The following DRP2 variants were observed in gnomAD, a reference collection of about 807,000 sequenced individuals.
The protein encoded by DRP2 is dystrophin-related protein 2.
A neutral mutation model predicts 78.2 loss-of-function variants in DRP2; 29 were observed. The ratio of observed to expected loss-of-function variants is 0.37; its 90% CI spans 0.28 to 0.51. DRP2 has a LOEUF of 0.51. DRP2 is among the 20% of genes least tolerant of loss of function. The pLI, the probability that DRP2 is intolerant of heterozygous loss-of-function variation, is 0.94. For missense variants in DRP2, 686 were observed against 770.6 expected (o/e 0.89, Z 1.30); for synonymous variants, 290 against 281.9 (o/e 1.03, Z -0.29).
chrX:101,255,179 C>T lies in DRP2; in HGVS notation c.2181-5C>T. 8.3e-7 allele frequency: 1 copy of T among 1,210,611 alleles called. No homozygotes were observed. Among genetic ancestry groups the T allele is most frequent in the Non-Finnish European group, 1.1e-6 (1 of 894,622 alleles). ...TTCTCTCCTGCCTCTGCTCTTTATT[C>T]CTAGGCTTGCTGAGATGGAAAGTCA... On this transcript the variant is annotated splice_polypyrimidine_tract_variant and splice_region_variant and intron_variant, in intron 19 of 23. Coordinates refer to ENST00000395209, the MANE Select transcript of DRP2 (RefSeq NM_001939.3).
At chrX:101,224,409 A>G (rs1486475927) in intron 1 of DRP2, among the ~76,000 whole-genome samples, 195 bp from the exon 2 acceptor site, 1 of 4,551 alleles carries the variant, frequency 2.2e-4, no homozygotes, top group Admixed American at 6.0e-3. Context: ...AAAAAAACAA[A>G]AAAAAGCCCA....
chrX:101,242,685 G>A (rs1230581380), intron 8 of DRP2, among the ~76,000 whole-genome samples: 1 of 111,105 alleles, frequency 9.0e-6, no homozygotes, highest in Non-Finnish European at 1.9e-5. Context: ...AGGGTAGACA[G>A]GGGCAGGGGA....
At chrX:101,224,248 G>A (rs1376203784) in intron 1 of DRP2, among the ~76,000 whole-genome samples, 4 of 72,736 alleles carry the variant, frequency 5.5e-5, no homozygotes, top group African/African-American at 2.4e-4. Context: ...ATGTCACCCA[G>A]GCTAGAGTGC....
At position 101,260,531 on chromosome X, in the gene DRP2, G is replaced by C. The variant is rs1006253419; in HGVS notation, c.2784G>C (p.Leu928=). The C allele has an allele frequency of 1.7e-6, 2 of 1,211,162 alleles. No homozygotes were observed. The highest frequency in any genetic ancestry group is 2.2e-6 in the Non-Finnish European group (2 of 895,304). Residue 928 remains leucine, a synonymous_variant, in exon 24 of 24, where the codon CTG becomes CTC. Transcript: ENST00000395209. ...GGTCAAAGAGCCAGGATGTCAGCCTGTGCTTGGAGGACATCATGGAGAAAC... is the reference window on the plus strand; with the variant it reads ...GGTCAAAGAGCCAGGATGTCAGCCTCTGCTTGGAGGACATCATGGAGAAAC... ...DVGSKSQDVS[L]CLEDIMEKLR... is the part of the protein sequence containing the mutation.
At chrX:101,235,719 C>G (rs1033347409) in intron 3 of DRP2, 141 bp from the exon 4 acceptor site, 6 of 607,107 alleles carry the variant, frequency 9.9e-6, no homozygotes, top group South Asian at 3.4e-5. Context: ...ATCTCAGTCC[C>G]TGAACACACA....
Position 101,241,796 on chromosome X carries a change from C to G in DRP2, c.688C>G (p.Leu230Val). The G allele has an allele frequency of 8.3e-7, 1 of 1,211,541 alleles. No homozygotes were observed. The highest frequency in any genetic ancestry group is 1.1e-6 in the Non-Finnish European group (1 of 895,431). Residue 230 changes from leucine (L) to valine (V), a missense_variant, in exon 7 of 24, where the codon CTG (leucine) becomes GTG (valine). Physicochemically the swap from Leu to Val is conservative, Grantham distance 32 (BLOSUM62 1). Transcript: ENST00000395209. ...VDQHRHIERT[L>V]EQLLEIQGAM... is the part of the protein sequence containing the mutation. ...CCAGCACCGTCACATTGAGCGGACT[C>G]TGGAGCAGCTCTTGGAGATTCAAGG...
intron 10 of DRP2, 86 bp downstream of exon 10, chrX:101,245,163 C>CT (rs1173929392): frequency 1.0e-5 from 10 of 983,686 alleles, no homozygotes; most frequent in Non-Finnish European, 1.4e-5. Flanking sequence ...CCTTGTCACT[C>CT]TGTCTGTTGG....
In DRP2 at chrX:101,262,916, G is replaced by A. The variant is rs1923613849; in HGVS notation, c.*2295G>A. On this transcript the variant is annotated 3_prime_UTR_variant, in exon 24 of 24. Transcript: ENST00000395209. The stretch of plus-strand genomic sequence containing the variant: ...TATGGAGCAATTTTTTACCAGGAAA[G>A]TCCTGGAAAATCTTTTCTGTTATCC... The A allele has an allele frequency of 9.0e-6, 1 of 111,504 alleles. No homozygotes were observed. The highest frequency in any genetic ancestry group is 3.8e-4 in the South Asian group (1 of 2,628). The allele number at this position is 111,504 out of a possible 1,213,427, so 9.2% of individuals were successfully genotyped here.
At position 101,261,869 on chromosome X, in the gene DRP2, A is replaced by G; in HGVS notation, c.*1248A>G. The G allele has an allele frequency of 8.9e-6, 1 of 112,035 alleles. No homozygotes were observed. The highest frequency in any genetic ancestry group is 1.9e-5 in the Non-Finnish European group (1 of 53,229). The allele number at this position is 112,035 out of a possible 1,213,427, so 9.2% of individuals were successfully genotyped here. ...TATCCAGAAACTGTTCAGAATAGAT[A>G]GTAGGGGTGGGGGAGTGGGCTTGGG... is the stretch of plus-strand genomic sequence containing the variant. On this transcript the variant is annotated 3_prime_UTR_variant, in exon 24 of 24. Transcript: ENST00000395209.
chrX:101,237,994 G>T (rs769249602), intron 5 of DRP2, among the ~76,000 whole-genome samples: 1 of 111,969 alleles, frequency 8.9e-6, no homozygotes, highest in Admixed American at 9.5e-5. Context: ...ATACTGCCAT[G>T]ATTTTTAATG....
chrX:101,235,698 G>C (rs1922474819), intron 3 of DRP2, among the ~76,000 whole-genome samples, 162 bp from the exon 4 acceptor site: 1 of 112,563 alleles, frequency 8.9e-6, no homozygotes, highest in African/African-American at 3.2e-5. Flanking sequence ...AGGACCACAG[G>C]GTCTTTCTTC....
At chrX:101,224,191 G>GTTT (rs1167730116) in intron 1 of DRP2, among the ~76,000 whole-genome samples, 49 of 38,857 alleles carry the variant, frequency 1.3e-3, no homozygotes, top group Non-Finnish European at 1.6e-3. Context: ...GGTTTTTTTT[G>GTTT]TTTTTTTTTT....
At chrX:101,222,311 T>TA (rs765046547) in intron 1 of DRP2, among the ~76,000 whole-genome samples, 4 of 108,649 alleles carry the variant, frequency 3.7e-5, no homozygotes, top group South Asian at 3.9e-4. Context: ...GAACTGCTGC[T>TA]AAAAAAAAAT....
In DRP2 at chrX:101,248,545, T is replaced by C. The variant is rs1459415975; in HGVS notation, c.1486T>C (p.Phe496Leu). Residue 496 changes from phenylalanine (F) to leucine (L), a missense_variant, in exon 14 of 24, where the codon TTT (phenylalanine) becomes CTT (leucine). Transcript: ENST00000395209. ...CAGCGGAAAGATGCGGGCATTGTCTTTTAAGACTGGCATTGCATGCTTGTG... is the reference window on the plus strand; with the variant it reads ...CAGCGGAAAGATGCGGGCATTGTCTCTTAAGACTGGCATTGCATGCTTGTG... ...GRSGKMRALS[F>L]KTGIACLCGT... The C allele has an allele frequency of 2.5e-6, 3 of 1,212,234 alleles. No homozygotes were observed. Among genetic ancestry groups the C allele is most frequent in the Admixed American group, 4.3e-5 (2 of 46,109 alleles).
chrX:101,252,117 CTTTG>C (rs1923162751), intron 16 of DRP2, among the ~76,000 whole-genome samples: 1 of 111,964 alleles, frequency 8.9e-6, no homozygotes, highest in Non-Finnish European at 1.9e-5. Context: ...AAGGGCTATT[CTTTG>C]TTCTGCAATA....
chrX:101,255,388 CT>C, intron 20 of DRP2, 139 bp downstream of exon 20: 1 of 585,744 alleles, frequency 1.7e-6, no homozygotes, highest in South Asian at 2.9e-5. Context: ...AGGAAGGCTG[CT>C]TTCTGGGCAC....
In DRP2 at chrX:101,241,834, A is replaced by G. The variant is rs1922741537; in HGVS notation, c.726A>G (p.Glu242=). The stretch of plus-strand genomic sequence containing the variant: ...TGGAGATTCAAGGGGCAATGGAGGA[A>G]CTAAGCACTACTCTGAGCCAAGCTG... The part of the protein sequence containing the change: ...QLLEIQGAME[E]LSTTLSQAEG... Residue 242 remains glutamate (E), a synonymous_variant, in exon 7 of 24, where the codon GAA becomes GAG. Transcript: ENST00000395209. 2 of 1,201,516 alleles carry G rather than the reference A, an allele frequency of 1.7e-6. No homozygotes were observed. The highest frequency in any genetic ancestry group is 2.2e-6 in the Non-Finnish European group (2 of 890,893).
At chrX:101,224,887 C>T (rs1283889299) in intron 2 of DRP2, among the ~76,000 whole-genome samples, 181 bp downstream of exon 2, 1 of 112,344 alleles carries the variant, frequency 8.9e-6, no homozygotes, top group African/African-American at 3.2e-5. Context: ...CTCACCAGTC[C>T]CCCGCTGGTG....
At chrX:101,225,944 G>A (rs939971977) in intron 2 of DRP2, among the ~76,000 whole-genome samples, 4 of 111,494 alleles carry the variant, frequency 3.6e-5, no homozygotes, top group Non-Finnish European at 7.5e-5. Flanking sequence ...ATTTTGAAAA[G>A]GGCAGAAATA....
Sources: gnomAD v4.1 joint callset for allele counts (sites outside exome capture counted in the v4.1 genomes callset) on GRCh38, gnomAD v4.1.1 for gene constraint, MANE v1.5 for transcripts, NCBI Gene and HGNC (gene_info 2026-07-23, HGNC 2026-07-21) for gene names.